Variants in JAK3 observed in about 807,000 individuals in gnomAD.
JAK3 encodes the protein tyrosine-protein kinase JAK3.
In JAK3, 88 loss-of-function variants were observed where a neutral mutation model predicts 120.8. That is an observed-to-expected ratio of 0.73 (90% confidence interval 0.61 to 0.87). The LOEUF (loss-of-function observed/expected upper bound fraction) is 0.87, where lower values mean the gene tolerates loss of function less well. Among genes scored for constraint, JAK3 ranks in the 40% least tolerant of loss-of-function variants. The pLI, the probability that JAK3 is intolerant of heterozygous loss-of-function variation, is 0.00. For synonymous variants in JAK3, 592 were observed against 628.6 expected, an observed-to-expected ratio of 0.94 and a Z score of 0.87; for missense variants, 1,254 against 1,501.4, an observed-to-expected ratio of 0.84 and a Z score of 2.72.
chr19:17,829,508 A>C (rs1479400018), intron 23 of JAK3, among the ~76,000 whole-genome samples: 1 of 152,054 alleles, frequency 6.6e-6, no homozygotes, highest in East Asian at 1.9e-4. Context: ...CTATAGTCCC[A>C]GCACTTTGGG....
intron 11 of JAK3, 53 bp downstream of exon 11, chr19:17,838,210 T>C (rs2147688123): frequency 6.2e-7 from 1 of 1,613,374 alleles, no homozygotes; most frequent in Middle Eastern, 1.7e-4. Flanking sequence ...GCCACGCATC[T>C]GAGTCTCTGG....
At chr19:17,838,199 G>A in intron 11 of JAK3, 64 bp downstream of exon 11, 3 of 1,611,592 alleles carry the variant, frequency 1.9e-6, no homozygotes, top group Non-Finnish European at 2.5e-6. Flanking sequence ...ATATGCCTGA[G>A]GCCACGCATC....
In JAK3 at chr19:17,844,433, G is replaced by T; in HGVS notation, c.-13-3C>A. ...GAGGTGCCATGAGTGCAACTTGCCT[G>T]GGGCACAGAGAGAAAAAGCCCCTCA... On this transcript the variant is annotated splice_polypyrimidine_tract_variant and splice_region_variant and intron_variant, in intron 1 of 23. Coordinates refer to ENST00000458235, the MANE Select transcript of JAK3 (RefSeq NM_000215.4). The T allele has an allele frequency of 6.2e-7, 1 of 1,602,456 alleles. No individual in the cohort carries two copies.
intron 23 of JAK3, 104 bp downstream of exon 23, chr19:17,830,004 C>G (rs1207815031): frequency 3.5e-6 from 3 of 852,666 alleles, no homozygotes; most frequent in Non-Finnish European, 1.9e-6. Context: ...GCCTCACACT[C>G]TAGCCTTTCT....
intron 23 of JAK3, 130 bp from the exon 24 acceptor site, chr19:17,827,040 C>T: frequency 1.9e-6 from 2 of 1,028,460 alleles, no homozygotes; most frequent in Non-Finnish European, 2.8e-6. Context: ...AGTGCAATGG[C>T]ATGATCTCGG....
chr19:17,835,360 T>G, intron 14 of JAK3, 145 bp from the exon 15 acceptor site: 1 of 1,130,170 alleles, frequency 8.8e-7, no homozygotes, highest in Non-Finnish European at 1.2e-6. Flanking sequence ...CATCCTGTCT[T>G]GCCCCTCTAG....
At chr19:17,830,917 T>C (rs2094212990) in intron 21 of JAK3, among the ~76,000 whole-genome samples, 1 of 27,752 alleles carries the variant, frequency 3.6e-5, no homozygotes, top group Admixed American at 5.0e-4. Flanking sequence ...AGGGCGGAAC[T>C]AAGAGGGGGC....
chr19:17,833,710 G>C lies in JAK3; in HGVS notation c.2351-781C>G, dbSNP rs1011553590. ...TACTAAAAAATACAAAAATTTAGCC[G>C]TGTTTGGTGGCACGCCCTTGTAATC... On this transcript the variant is annotated intron_variant, in intron 17 of 23. Transcript: ENST00000458235. 4.6e-5 allele frequency among the ~76,000 whole-genome samples: 7 copies of C among 152,112 alleles called. No individual in the cohort carries two copies. The South Asian group carries it at 1.2e-3, about 27-fold the overall frequency.
rs1047883115 is a variant in JAK3, at chr19:17,832,352, T to C, written c.2680+167A>G. Reference sequence around the variant, plus strand: ...AACTGAGGCTCAGAAAAGTTAAGGTTTCACAACTGGTAAGGGGTAGAGTCA... The same window carrying C: ...AACTGAGGCTCAGAAAAGTTAAGGTCTCACAACTGGTAAGGGGTAGAGTCA... On this transcript the variant is annotated intron_variant, in intron 19 of 23. Coordinates refer to ENST00000458235, the MANE Select transcript of JAK3 (RefSeq NM_000215.4). This position sits in a 1 kb window ranked among gnomAD's most constrained non-coding sequence, Gnocchi z 4.7. Among the ~76,000 whole-genome samples, 2 of 152,158 alleles carry C rather than the reference T, an allele frequency of 1.3e-5. No homozygotes were observed. Among genetic ancestry groups the C allele is most frequent in the African/African-American group, 4.8e-5 (2 of 41,438 alleles).
intron 23 of JAK3, among the ~76,000 whole-genome samples, chr19:17,828,887 G>A (rs1367433795): frequency 6.6e-6 from 1 of 152,158 alleles, no homozygotes. Context: ...GGATGTGGTG[G>A]CTCACGTCTG....
chr19:17,831,553 C>T lies in JAK3; in HGVS notation c.2805+121G>A. 3 of 1,498,240 alleles carry T rather than the reference C, an allele frequency of 2.0e-6. No individual in the cohort carries two copies. Among genetic ancestry groups the T allele is most frequent in the Non-Finnish European group, 2.7e-6 (3 of 1,113,364 alleles). The allele number at this position is 1,498,240 out of a possible 1,614,324, so 92.8% of individuals were successfully genotyped here. ...TTCTGATCCTGAGCCCTAAGCCAAC[C>T]CCACCACTCCCGAGACCTGGACCCC... On this transcript the variant is annotated intron_variant, in intron 20 of 23. Coordinates refer to ENST00000458235, the MANE Select transcript of JAK3 (RefSeq NM_000215.4). The surrounding 1 kb of genome is among the most constrained non-coding windows in gnomAD (Gnocchi z 5.1).
chr19:17,843,971 T>C lies in JAK3; in HGVS notation c.185-71A>G, dbSNP rs1346634385. 6.3e-7 allele frequency: 1 copy of C among 1,580,806 alleles called. No individual in the cohort carries two copies. The highest frequency in any genetic ancestry group is 1.3e-5 in the African/African-American group (1 of 74,096). On this transcript the variant is annotated intron_variant, in intron 2 of 23. Coordinates refer to ENST00000458235, the MANE Select transcript of JAK3 (RefSeq NM_000215.4). This position sits in a 1 kb window ranked among gnomAD's most constrained non-coding sequence, Gnocchi z 5.4. ...GTGCCCTTCAGGAGTGCCAGCATCA[T>C]ACCCAACCGTCCAGATCCTTCCATA... is the stretch of plus-strand genomic sequence containing the variant.
Position 17,835,727 on chromosome 19 carries a change from C to T in JAK3, c.1914+197G>A, listed in dbSNP as rs576176623. On this transcript the variant is annotated intron_variant, in intron 14 of 23. Transcript: ENST00000458235. ...GGAAGCCTTTCTTCCTGCCCAGCCT[C>T]GTCATTCACCACACGCCCTGACATC... is the stretch of plus-strand genomic sequence containing the variant. 5.9e-5 allele frequency among the ~76,000 whole-genome samples: 9 copies of T among 152,296 alleles called. No homozygotes were observed. The Middle Eastern group carries it at 0.014, about 230-fold the overall frequency.
Position 17,843,499 on chromosome 19 carries a change from G to A in JAK3, c.309-8C>T. ...CAATTGGGGAAGTAAAAGCTGTGAG[G>A]AGAGGAGAGAACCCTGGGATGAAAG... On this transcript the variant is annotated splice_polypyrimidine_tract_variant and splice_region_variant and intron_variant, in intron 3 of 23. Transcript: ENST00000458235. The surrounding 1 kb of genome is among the most constrained non-coding windows in gnomAD (Gnocchi z 5.4). 3 of 1,572,538 alleles carry A rather than the reference G, an allele frequency of 1.9e-6. No individual in the cohort carries two copies. The highest frequency in any genetic ancestry group is 2.6e-6 in the Non-Finnish European group (3 of 1,154,392).
Position 17,838,309 on chromosome 19 carries a change from A to G in JAK3, c.1523T>C (p.Leu508Pro), listed in dbSNP as rs2147688667. 6.2e-7 allele frequency: 1 copy of G among 1,614,114 alleles called. No homozygotes were observed. The highest frequency in any genetic ancestry group is 1.1e-5 in the South Asian group (1 of 91,084). ...GATCTTGTGAAATGTCATCTGACTC[A>G]GCTGGTATTGGGATTGGGGCTGAAC... is the stretch of plus-strand genomic sequence containing the variant. ...SLVQPQSQYQ[L>P]SQMTFHKIPA... is the part of the protein sequence containing the mutation. Residue 508 changes from leucine to proline, a missense_variant, in exon 11 of 24, where the codon CTG becomes CCG. By Grantham distance (98) the Leu-to-Pro change is moderately conservative. Coordinates refer to ENST00000458235, the MANE Select transcript of JAK3 (RefSeq NM_000215.4).
Position 17,843,549 on chromosome 19 carries a change from A to G in JAK3, c.309-58T>C, listed in dbSNP as rs2094245106. 3.1e-6 allele frequency: 4 copies of G among 1,299,268 alleles called. No individual in the cohort carries two copies. In the South Asian group the frequency reaches 4.9e-5, roughly 16 times the overall value. The allele number at this position is 1,299,268 out of a possible 1,614,324, so 80.5% of individuals were successfully genotyped here. A position where few individuals can be genotyped will look rare whatever the true frequency, so the allele number is the denominator to read the frequency against. Reference sequence around the variant, plus strand: ...GTGCAACCCAGCCTCAGTAGGAGTGACATTATGGTGGGGGCGAGGGACAGA... The same window carrying G: ...GTGCAACCCAGCCTCAGTAGGAGTGGCATTATGGTGGGGGCGAGGGACAGA... On this transcript the variant is annotated intron_variant, in intron 3 of 23. Coordinates refer to ENST00000458235, the MANE Select transcript of JAK3 (RefSeq NM_000215.4). The surrounding 1 kb of genome is among the most constrained non-coding windows in gnomAD (Gnocchi z 5.4).
chr19:17,833,050 A>G (rs2094217383), intron 17 of JAK3, 121 bp from the exon 18 acceptor site: 2 of 1,499,014 alleles, frequency 1.3e-6, no homozygotes, highest in South Asian at 2.6e-5. Flanking sequence ...TGGCAGGGCC[A>G]TTGCAAGCCA....
intron 8 of JAK3, among the ~76,000 whole-genome samples, chr19:17,840,762 C>CA (rs1289497767): frequency 2.8e-3 from 385 of 137,042 alleles, no homozygotes; most frequent in South Asian, 3.6e-3. Context: ...GACTCCGTCT[C>CA]AAAAAAAAAA....
Position 17,843,002 on chromosome 19 carries a change from G to A in JAK3, c.566+25C>T, listed in dbSNP as rs1230417750. 5.0e-6 allele frequency: 8 copies of A among 1,608,388 alleles called. No individual in the cohort carries two copies. Among genetic ancestry groups the A allele is most frequent in the Admixed American group, 1.7e-5 (1 of 59,986 alleles). On this transcript the variant is annotated intron_variant, in intron 5 of 23. Coordinates refer to ENST00000458235, the MANE Select transcript of JAK3 (RefSeq NM_000215.4). This position sits in a 1 kb window ranked among gnomAD's most constrained non-coding sequence, Gnocchi z 5.4. ...CGTTGCTCACTCCCAAGCAGAGGCC[G>A]TCCCCACAGCCTGGTGGCTCTCACC... is the stretch of plus-strand genomic sequence containing the variant.
Sources: allele counts gnomAD v4.1 joint callset (sites outside exome capture counted in the v4.1 genomes callset), GRCh38; gene constraint gnomAD v4.1.1; non-coding constraint Gnocchi (gnomAD v3.1); transcripts MANE v1.5; gene names NCBI Gene and HGNC (gene_info 2026-07-23, HGNC 2026-07-21).